HEATR5A: variants seen among roughly 807,000 people sequenced by gnomAD.
HEATR5A encodes the protein HEAT repeat containing 5A.
Under a neutral mutation model 218.8 loss-of-function variants are expected in HEATR5A, and 178 were observed. That is an observed-to-expected ratio of 0.81 (90% CI 0.72 to 0.92). The LOEUF (loss-of-function observed/expected upper bound fraction) is 0.92. Ranked by LOEUF, HEATR5A falls within the 40% of genes least tolerant of loss-of-function variation. HEATR5A has a pLI of 0.00. For missense variants in HEATR5A, 2,420 were observed against 2,418.9 expected (o/e 1.00, Z -0.01); for synonymous variants, 864 against 871.6 (o/e 0.99, Z 0.15).
intron 4 of HEATR5A, among the ~76,000 whole-genome samples, chr14:31,396,579 A>G (rs1463036805): frequency 6.6e-6 from 1 of 152,274 alleles, no homozygotes; most frequent in East Asian, 1.9e-4. Context: ...AAAGATCAGC[A>G]TCAAGAATCA....
In HEATR5A at chr14:31,388,591, CAA is replaced by C. The variant is rs1177978202; in HGVS notation, c.933+252_933+253del. Among the ~76,000 whole-genome samples, 8 of 152,190 alleles carry C rather than the reference CAA, an allele frequency of 5.3e-5. No homozygotes were observed. The East Asian group carries it at 1.5e-3, about 29-fold the overall frequency. On this transcript the variant is annotated intron_variant, in intron 7 of 35. Transcript: ENST00000543095. ...TACACAAAAGCACAACAGCTGGAAA[CAA>C]AAAATCTTTGTGTTTCAAAGAAAAT...
At chr14:31,350,994 T>C (rs1477390239) in intron 16 of HEATR5A, among the ~76,000 whole-genome samples, 2 of 152,172 alleles carry the variant, frequency 1.3e-5, no homozygotes, top group Non-Finnish European at 2.9e-5. Flanking sequence ...TTGGCCAGGC[T>C]GGTCTTGAAC....
chr14:31,329,523 G>A (rs1289225945), intron 22 of HEATR5A, among the ~76,000 whole-genome samples: 1 of 152,200 alleles, frequency 6.6e-6, no homozygotes, highest in Non-Finnish European at 1.5e-5. Context: ...TTGATTCCAT[G>A]TCTCATATCC....
rs763775125 is a variant in HEATR5A, at chr14:31,294,020, C to T, written c.5704G>A (p.Ala1902Thr). 15 of 1,604,346 alleles carry T rather than the reference C, an allele frequency of 9.3e-6. No individual in the cohort carries two copies. The highest frequency in any genetic ancestry group is 1.2e-5 in the Non-Finnish European group (14 of 1,175,082). ...AVSYPYIYSL[A>T]SCIMEKLQEI... ...TGCAGTTTTTCCATGATACAGGATG[C>T]TAAAGAGTAAATGTATGGGTAGGAA... Residue 1902 changes from alanine (A) to threonine (T), a missense_variant, in exon 35 of 36, where the codon GCA (alanine) becomes ACA (threonine). Coordinates refer to ENST00000543095, the MANE Select transcript of HEATR5A (RefSeq NM_015473.4).
intron 22 of HEATR5A, among the ~76,000 whole-genome samples, chr14:31,337,237 A>G (rs1372595022): frequency 6.6e-6 from 1 of 152,206 alleles, no homozygotes; most frequent in Non-Finnish European, 1.5e-5. Context: ...ATGGGTCCCA[A>G]TAATCTGCAT....
intron 13 of HEATR5A, among the ~76,000 whole-genome samples, chr14:31,367,523 C>T (rs1425944890): frequency 6.7e-6 from 1 of 149,602 alleles, no homozygotes; most frequent in Admixed American, 6.7e-5. Context: ...CCTCCACCTC[C>T]TGAGTAGCTG....
At chr14:31,407,955 A>G (rs938205480) in intron 1 of HEATR5A, among the ~76,000 whole-genome samples, 2 of 152,174 alleles carry the variant, frequency 1.3e-5, no homozygotes, top group African/African-American at 2.4e-5. Context: ...AAAGCTACAC[A>G]AGAATGTTAA....
At chr14:31,365,267 A>C (rs1205833450) in intron 13 of HEATR5A, among the ~76,000 whole-genome samples, 2 of 152,180 alleles carry the variant, frequency 1.3e-5, no homozygotes, top group Non-Finnish European at 2.9e-5. Context: ...TTATTATGTC[A>C]CTAGAATAAA....
intron 7 of HEATR5A, among the ~76,000 whole-genome samples, chr14:31,387,886 C>T (rs988653028): frequency 2.0e-5 from 3 of 152,168 alleles, no homozygotes; most frequent in African/African-American, 4.8e-5. Context: ...TCAATCAAGA[C>T]TTCATTTCTG....
intron 13 of HEATR5A, among the ~76,000 whole-genome samples, chr14:31,365,301 G>A (rs1901761277): frequency 6.6e-6 from 1 of 152,136 alleles, no homozygotes; most frequent in South Asian, 2.1e-4. Context: ...TATGGCATGA[G>A]GTTTCCTGGT....
At chr14:31,330,056 T>C (rs1487401441) in intron 22 of HEATR5A, among the ~76,000 whole-genome samples, 2 of 152,224 alleles carry the variant, frequency 1.3e-5, no homozygotes, top group African/African-American at 4.8e-5. Flanking sequence ...AGTGCCTCAG[T>C]GGGGACTCTG....
chr14:31,302,190 T>C, intron 33 of HEATR5A, 105 bp downstream of exon 33: 2 of 783,450 alleles, frequency 2.6e-6, no homozygotes, highest in Non-Finnish European at 4.3e-6. Context: ...TGGTCTCCTC[T>C]AGGTGATATG....
intron 8 of HEATR5A, 47 bp from the exon 9 acceptor site, chr14:31,386,622 T>C: frequency 4.0e-6 from 6 of 1,500,262 alleles, no homozygotes; most frequent in Non-Finnish European, 5.3e-6. Flanking sequence ...TGTATTAAAA[T>C]ATATTGAAAA....
rs566340942 is a variant in HEATR5A at position 31,345,489 on chromosome 14, T to C, written c.2869-213A>G. 5.3e-5 allele frequency among the ~76,000 whole-genome samples: 8 copies of C among 152,338 alleles called. No individual in the cohort carries two copies. In the East Asian group the frequency reaches 1.5e-3, roughly 29 times the overall value. Reference sequence around the variant, plus strand: ...CATCATTAAGAATTGCAAGTAATAGTTGGTACTTCAGCTAACAGTTTGAAT... The same window carrying C: ...CATCATTAAGAATTGCAAGTAATAGCTGGTACTTCAGCTAACAGTTTGAAT... On this transcript the variant is annotated intron_variant, in intron 19 of 35. Coordinates refer to ENST00000543095, the MANE Select transcript of HEATR5A (RefSeq NM_015473.4).
intron 27 of HEATR5A, among the ~76,000 whole-genome samples, chr14:31,314,404 C>G (rs1318584773): frequency 6.6e-6 from 1 of 151,870 alleles, no homozygotes. Context: ...CAGGCATATG[C>G]CACCACGCCT....
chr14:31,366,517 G>T (rs1901809998), intron 13 of HEATR5A, among the ~76,000 whole-genome samples: 1 of 152,066 alleles, frequency 6.6e-6, no homozygotes, highest in African/African-American at 2.4e-5. Flanking sequence ...TTTAAAAAAA[G>T]ATGAATAAAA....
At position 31,388,896 on chromosome 14, in the gene HEATR5A, C is replaced by T. The variant is rs766133347; in HGVS notation, c.882G>A (p.Met294Ile). Residue 294 changes from methionine to isoleucine, a missense_variant, in exon 7 of 36, where the codon ATG becomes ATA. Coordinates refer to ENST00000543095, the MANE Select transcript of HEATR5A (RefSeq NM_015473.4). ...SSGFLRASGD[M>I]LKGTSSVSRD... ...TACTGACTGAACTGGTTCCTTTCAG[C>T]ATATCTCCACTGGCTCGAAGGAATC... 6.2e-7 allele frequency: 1 copy of T among 1,613,932 alleles called. No homozygotes were observed. The highest frequency in any genetic ancestry group is 1.1e-5 in the South Asian group (1 of 91,084).
At position 31,332,760 on chromosome 14, in the gene HEATR5A, C is replaced by T. The variant is rs529780467; in HGVS notation, c.3367+4716G>A. Among the ~76,000 whole-genome samples, 166 of 152,022 alleles carry T rather than the reference C, an allele frequency of 1.1e-3. 1 individual carries two copies. Among genetic ancestry groups the T allele is most frequent in the Admixed American group, 4.8e-3 (73 of 15,272 alleles). On this transcript the variant is annotated intron_variant, in intron 22 of 35. Coordinates refer to ENST00000543095, the MANE Select transcript of HEATR5A (RefSeq NM_015473.4). The stretch of plus-strand genomic sequence containing the variant: ...CAGCACTTTGAGAGACCGAGGTGGG[C>T]GGATCACCTAAGGTCAGGAGTTCAA...
At position 31,312,954 on chromosome 14, in the gene HEATR5A, T is replaced by C. The variant is rs1351958597; in HGVS notation, c.4441+14A>G. On this transcript the variant is annotated intron_variant, in intron 28 of 35. Transcript: ENST00000543095. Reference sequence around the variant, plus strand: ...TGTCACTCTAGGAATTATCTAAGTATTTTATCTCCTTACCTTCAGCAGGAA... The same window carrying C: ...TGTCACTCTAGGAATTATCTAAGTACTTTATCTCCTTACCTTCAGCAGGAA... 9 of 1,578,422 alleles carry C rather than the reference T, an allele frequency of 5.7e-6. No individual in the cohort carries two copies. In the Admixed American group the frequency reaches 8.4e-5, roughly 15 times the overall value.
Sources: gnomAD v4.1 joint callset for allele counts (sites outside exome capture counted in the v4.1 genomes callset) on GRCh38, gnomAD v4.1.1 for gene constraint, MANE v1.5 for transcripts, NCBI Gene and HGNC (gene_info 2026-07-23, HGNC 2026-07-21) for gene names.